The following TBC1D2B variants were observed in gnomAD, a reference collection of about 807,000 sequenced individuals.
The protein encoded by TBC1D2B is TBC1 domain family, member 2B.
TBC1D2B carries 64 observed loss-of-function variants against 100.8 expected under a neutral mutation model. The ratio of observed to expected loss-of-function variants is 0.64; its 90% CI spans 0.52 to 0.78. The LOEUF is 0.78. Ranked by LOEUF, TBC1D2B falls within the 30% of genes least tolerant of loss-of-function variation. TBC1D2B has a pLI of 0.00. For synonymous variants in TBC1D2B, 480 were observed against 479.7 expected (o/e 1.00, Z -0.01); for missense variants, 1,052 against 1,218.4 (o/e 0.86, Z 2.03).
chr15:78,063,684 C>A (rs1305351669), intron 1 of TBC1D2B, among the ~76,000 whole-genome samples: 1 of 152,030 alleles, frequency 6.6e-6, no homozygotes, highest in African/African-American at 2.4e-5. Context: ...GGGTGTTTCT[C>A]AAAAATAGAC....
chr15:78,075,468 G>C (rs1355217352), intron 1 of TBC1D2B, among the ~76,000 whole-genome samples: 1 of 152,168 alleles, frequency 6.6e-6, no homozygotes, highest in South Asian at 2.1e-4. Flanking sequence ...AAAGTGCTGG[G>C]ATTACAGGAG....
chr15:78,038,423 C>T (rs1381499333), intron 3 of TBC1D2B, among the ~76,000 whole-genome samples: 1 of 152,180 alleles, frequency 6.6e-6, no homozygotes, highest in Non-Finnish European at 1.5e-5. Flanking sequence ...CAGCCTGAGG[C>T]AGGGCCTGTT....
chr15:78,071,049 T>C (rs1272522209), intron 1 of TBC1D2B, among the ~76,000 whole-genome samples: 3 of 152,230 alleles, frequency 2.0e-5, no homozygotes, highest in African/African-American at 4.8e-5. Context: ...CTCAAACTCC[T>C]GACCTCAAGT....
rs1302472995 is a variant in TBC1D2B at position 78,009,003 on chromosome 15, T to A, written c.2382A>T (p.Gly794=). ...ACAGAATTTTCAGAACTACCTGGGATCCTAAAAGAGTCTTTGTATAATAGT... is the reference window on the plus strand; with the variant it reads ...ACAGAATTTTCAGAACTACCTGGGAACCTAAAAGAGTCTTTGTATAATAGT... ...PRDYYTKTLL[G]SQVDQRVFRD... Residue 794 remains glycine (G), a synonymous_variant, in exon 10 of 13, where the codon GGA becomes GGT. Transcript: ENST00000300584. The A allele has an allele frequency of 1.9e-6, 3 of 1,585,476 alleles. No individual in the cohort carries two copies. The highest frequency in any genetic ancestry group is 2.6e-6 in the Non-Finnish European group (3 of 1,163,702).
chr15:78,039,784 A>G (rs1041667518), intron 3 of TBC1D2B, among the ~76,000 whole-genome samples: 2 of 142,154 alleles, frequency 1.4e-5, no homozygotes, highest in East Asian at 2.2e-4. Context: ...ACACACACAC[A>G]CGCAATTTAC....
intron 1 of TBC1D2B, among the ~76,000 whole-genome samples, chr15:78,067,937 TAATC>T (rs2073684527): frequency 6.6e-6 from 1 of 152,260 alleles, no homozygotes; most frequent in Non-Finnish European, 1.5e-5. Context: ...GCTTTCTTGA[TAATC>T]AGTTATACAG....
chr15:78,045,634 C>T (rs928665468), intron 2 of TBC1D2B, among the ~76,000 whole-genome samples: 1 of 152,210 alleles, frequency 6.6e-6, no homozygotes, highest in African/African-American at 2.4e-5. Flanking sequence ...TGAAACTTCA[C>T]AACACATCTT....
At chr15:78,001,536 G>C in intron 12 of TBC1D2B, 83 bp downstream of exon 12, 1 of 1,466,242 alleles carries the variant, frequency 6.8e-7, no homozygotes, top group Non-Finnish European at 9.1e-7. Flanking sequence ...TGAGTTGGAA[G>C]ACAGCAAGGA....
At chr15:78,061,489 C>A (rs2073544460) in intron 1 of TBC1D2B, among the ~76,000 whole-genome samples, 1 of 151,650 alleles carries the variant, frequency 6.6e-6, no homozygotes, top group African/African-American at 2.4e-5. Flanking sequence ...GGGAGAATTT[C>A]TTGAGCCCAG....
intron 2 of TBC1D2B, chr15:78,053,653 T>A (rs1000291820): frequency 6.0e-6 from 1 of 166,814 alleles, no homozygotes; most frequent in African/African-American, 2.4e-5. Flanking sequence ...AATACCTTCC[T>A]AGTGTATACA....
At chr15:78,035,774 A>G (rs980810995) in intron 3 of TBC1D2B, among the ~76,000 whole-genome samples, 5 of 152,282 alleles carry the variant, frequency 3.3e-5, no homozygotes, top group African/African-American at 9.6e-5. Flanking sequence ...AGTAGAAACA[A>G]GCAGATGTCC....
chr15:78,024,556 G>A lies in TBC1D2B; in HGVS notation c.1087-17C>T, dbSNP rs1369987157. 1.3e-6 allele frequency: 2 copies of A among 1,595,630 alleles called. No homozygotes were observed. Among genetic ancestry groups the A allele is most frequent in the East Asian group, 4.5e-5 (2 of 44,642 alleles). On this transcript the variant is annotated splice_polypyrimidine_tract_variant and intron_variant, in intron 5 of 12. Coordinates refer to ENST00000300584, the MANE Select transcript of TBC1D2B (RefSeq NM_144572.2). The stretch of plus-strand genomic sequence containing the variant: ...AACAAGCTCCTGGGAGCCAAAAGGA[G>A]AATGGAGTGAAGGGTGAAAAGAGCA...
At chr15:78,035,380 A>G (rs2072920861) in intron 3 of TBC1D2B, among the ~76,000 whole-genome samples, 1 of 152,226 alleles carries the variant, frequency 6.6e-6, no homozygotes, top group African/African-American at 2.4e-5. Context: ...GAAATGTTCC[A>G]TCAAATTTCT....
chr15:78,036,146 G>A (rs944184356), intron 3 of TBC1D2B, among the ~76,000 whole-genome samples: 11 of 152,368 alleles, frequency 7.2e-5, no homozygotes, highest in African/African-American at 2.4e-4. Context: ...TCAGGGTGCA[G>A]ACATAAGTAC....
Position 77,998,365 on chromosome 15 carries a change from C to G in TBC1D2B, c.2697-10G>C, listed in dbSNP as rs527462797. 74 of 1,560,396 alleles carry G rather than the reference C, an allele frequency of 4.7e-5. No homozygotes were observed. In the African/African-American group the frequency reaches 9.2e-4, roughly 20 times the overall value. On this transcript the variant is annotated splice_polypyrimidine_tract_variant and intron_variant, in intron 12 of 12. Coordinates refer to ENST00000300584, the MANE Select transcript of TBC1D2B (RefSeq NM_144572.2). ...GATACTGATCAGCTTCCTGGCAGGA[C>G]GCAGGGGAGAGACAAGAGAATCAGC...
chr15:78,029,699 C>G (rs1030564430), intron 4 of TBC1D2B, among the ~76,000 whole-genome samples: 1 of 152,188 alleles, frequency 6.6e-6, no homozygotes, highest in African/African-American at 2.4e-5. Context: ...AGACTATATT[C>G]TCTTTTGTGT....
intron 7 of TBC1D2B, 188 bp from the exon 8 acceptor site, chr15:78,016,927 G>A (rs2072391954): frequency 1.9e-6 from 1 of 537,500 alleles, no homozygotes; most frequent in Non-Finnish European, 3.2e-6. Context: ...GCCTGCAGTG[G>A]GTTCCTCTCT....
intron 11 of TBC1D2B, chr15:78,002,592 T>C (rs2071944676): frequency 6.6e-6 from 1 of 151,940 alleles, no homozygotes; most frequent in Non-Finnish European, 1.5e-5. Context: ...GCTTTCCCCA[T>C]ATCTAAGGGC....
chr15:78,061,602 T>TTA (rs1376241305), intron 1 of TBC1D2B, among the ~76,000 whole-genome samples: 1 of 148,102 alleles, frequency 6.8e-6, no homozygotes, highest in Non-Finnish European at 1.5e-5. Flanking sequence ...TATATATATA[T>TTA]TATATATAAT....
Sources: allele counts gnomAD v4.1 joint callset (sites outside exome capture counted in the v4.1 genomes callset), GRCh38; gene constraint gnomAD v4.1.1; transcripts MANE v1.5; gene names NCBI Gene and HGNC (gene_info 2026-07-23, HGNC 2026-07-21).